Variants in RAD18 observed in about 807,000 individuals in gnomAD.
RAD18 encodes the protein RAD18 E3 ubiquitin protein ligase.
Under a neutral mutation model 60.4 loss-of-function variants are expected in RAD18, and 47 were observed. The observed-to-expected ratio is 0.78, with a 90% CI of 0.62 to 0.99. The LOEUF is 0.99. RAD18 is among the 50% of genes least tolerant of loss of function. The pLI is 0.00. For synonymous variants in RAD18, 225 were observed against 195.5 expected (o/e 1.15, Z -1.26); for missense variants, 640 against 593.3 (o/e 1.08, Z -0.82).
Position 8,885,853 on chromosome 3 carries a change from T to A in RAD18, c.1386-4394A>T, listed in dbSNP as rs180730515. 2.6e-5 allele frequency among the ~76,000 whole-genome samples: 4 copies of A among 152,346 alleles called. No homozygotes were observed. In the East Asian group the frequency reaches 7.7e-4, roughly 29 times the overall value. On this transcript the variant is annotated intron_variant, in intron 12 of 12. Coordinates refer to ENST00000264926, the MANE Select transcript of RAD18 (RefSeq NM_020165.4). ...AAATATATTACAGTTAGGCCTTACATGTCAAAAGGTCTTTCTAGGACATAA... is the reference window on the plus strand; with the variant it reads ...AAATATATTACAGTTAGGCCTTACAAGTCAAAAGGTCTTTCTAGGACATAA...
At chr3:8,952,518 T>A (rs766231011) in intron 2 of RAD18, among the ~76,000 whole-genome samples, 13 of 152,194 alleles carry the variant, frequency 8.5e-5, no homozygotes, top group Non-Finnish European at 1.9e-4. Context: ...TAAATCACAT[T>A]CTTAATATGT....
intron 12 of RAD18, among the ~76,000 whole-genome samples, chr3:8,888,901 AG>A: frequency 6.6e-6 from 1 of 152,360 alleles, no homozygotes; most frequent in East Asian, 1.9e-4. Context: ...GCTTGGGCTC[AG>A]GAACTCTGGG....
At chr3:8,944,809 C>A (rs1277563486) in intron 4 of RAD18, among the ~76,000 whole-genome samples, 2 of 152,148 alleles carry the variant, frequency 1.3e-5, no homozygotes, top group South Asian at 2.1e-4. Context: ...TCTATGCAAT[C>A]AATTCCATGG....
intron 9 of RAD18, among the ~76,000 whole-genome samples, chr3:8,904,253 T>G (rs752789679): frequency 3.3e-5 from 5 of 152,204 alleles, no homozygotes; most frequent in Non-Finnish European, 7.4e-5. Flanking sequence ...TAAAAACACA[T>G]GTTCATTTTA....
intron 12 of RAD18, among the ~76,000 whole-genome samples, chr3:8,887,595 G>A (rs76916075): frequency 0.022 from 3,300 of 152,130 alleles, 107 homozygotes; most frequent in African/African-American, 0.074. Flanking sequence ...ACTGTTATCC[G>A]CCACCTCAGA....
chr3:8,889,340 A>G (rs896379095), intron 12 of RAD18, among the ~76,000 whole-genome samples: 1 of 152,198 alleles, frequency 6.6e-6, no homozygotes, highest in Non-Finnish European at 1.5e-5. Flanking sequence ...CTCACTGTAA[A>G]ACAGGGATAA....
At chr3:8,896,221 C>A (rs983307771) in intron 11 of RAD18, among the ~76,000 whole-genome samples, 3 of 152,176 alleles carry the variant, frequency 2.0e-5, no homozygotes, top group African/African-American at 7.2e-5. Context: ...AATATGTACA[C>A]TGATAATTTT....
chr3:8,895,652 G>A (rs997068492), intron 11 of RAD18, among the ~76,000 whole-genome samples: 1 of 151,710 alleles, frequency 6.6e-6, no homozygotes, highest in African/African-American at 2.4e-5. Flanking sequence ...TTTTTTGTTT[G>A]TTTGTTTAAA....
intron 11 of RAD18, among the ~76,000 whole-genome samples, chr3:8,891,074 AAAT>A (rs398105584): frequency 3.1e-4 from 11 of 35,082 alleles, no homozygotes; most frequent in African/African-American, 1.7e-3. Flanking sequence ...TATATATATA[AAAT>A]ATATATATAT....
intron 11 of RAD18, among the ~76,000 whole-genome samples, chr3:8,893,833 G>GACA (rs1939739981): frequency 6.6e-6 from 1 of 151,410 alleles, no homozygotes; most frequent in South Asian, 2.1e-4. Flanking sequence ...GTAGTTATAG[G>GACA]TGCATACCAC....
At chr3:8,952,769 G>T (rs1940947190) in intron 2 of RAD18, among the ~76,000 whole-genome samples, 2 of 152,148 alleles carry the variant, frequency 1.3e-5, no homozygotes, top group Admixed American at 6.5e-5. Flanking sequence ...CATTTGACAA[G>T]AAGAAAAATG....
At chr3:8,923,100 A>T (rs1358710643) in intron 7 of RAD18, among the ~76,000 whole-genome samples, 1 of 152,210 alleles carries the variant, frequency 6.6e-6, no homozygotes, top group African/African-American at 2.4e-5. Flanking sequence ...AACGCTTCAG[A>T]TGATCAAACT....
intron 7 of RAD18, among the ~76,000 whole-genome samples, chr3:8,927,679 G>T (rs886309003): frequency 6.6e-6 from 1 of 152,218 alleles, no homozygotes; most frequent in African/African-American, 2.4e-5. Context: ...AACAATGATA[G>T]ACTGGGTTAA....
intron 9 of RAD18, among the ~76,000 whole-genome samples, chr3:8,906,896 T>C (rs1940016150): frequency 1.3e-5 from 2 of 152,280 alleles, no homozygotes; most frequent in East Asian, 1.9e-4. Flanking sequence ...CTTTGACCTA[T>C]GGGTTATTTC....
intron 7 of RAD18, among the ~76,000 whole-genome samples, chr3:8,920,262 G>C (rs1940291753): frequency 2.3e-5 from 3 of 130,862 alleles, no homozygotes; most frequent in South Asian, 2.4e-4. Flanking sequence ...CTGGACGACA[G>C]AGCGAGACTC....
At chr3:8,897,306 C>A (rs1939803787) in intron 11 of RAD18, among the ~76,000 whole-genome samples, 1 of 152,094 alleles carries the variant, frequency 6.6e-6, no homozygotes, top group Non-Finnish European at 1.5e-5. Context: ...AAATCGCTTA[C>A]AACACTGAAC....
chr3:8,896,625 T>C (rs1559760094), intron 11 of RAD18, among the ~76,000 whole-genome samples: 1 of 152,214 alleles, frequency 6.6e-6, no homozygotes, highest in Non-Finnish European at 1.5e-5. Flanking sequence ...TCCATGTATG[T>C]CCCACCTATT....
At chr3:8,916,130 G>A (rs1940196308) in intron 7 of RAD18, among the ~76,000 whole-genome samples, 1 of 152,102 alleles carries the variant, frequency 6.6e-6, no homozygotes, top group African/African-American at 2.4e-5. Context: ...GGTTGCTGAG[G>A]GAAGTAAACA....
intron 11 of RAD18, among the ~76,000 whole-genome samples, chr3:8,893,861 T>G (rs986915798): frequency 6.6e-6 from 1 of 152,006 alleles, no homozygotes; most frequent in African/African-American, 2.4e-5. Context: ...GGCTAATTTT[T>G]AAATATTTTG....
Sources: gnomAD v4.1 joint callset for allele counts (sites outside exome capture counted in the v4.1 genomes callset) on GRCh38, gnomAD v4.1.1 for gene constraint, MANE v1.5 for transcripts, NCBI Gene and HGNC (gene_info 2026-07-23, HGNC 2026-07-21) for gene names.